Variants in RPS6KA2 observed in about 807,000 individuals in gnomAD.
The protein encoded by RPS6KA2 is ribosomal protein S6 kinase alpha-2.
In RPS6KA2, 42 loss-of-function variants were observed where a neutral mutation model predicts 91.8. The ratio of observed to expected loss-of-function variants is 0.46; its 90% confidence interval spans 0.36 to 0.59. The LOEUF is 0.59. Ranked by LOEUF, RPS6KA2 falls within the 20% of genes least tolerant of loss-of-function variation. The pLI, the probability that RPS6KA2 is intolerant of heterozygous loss-of-function variation, is 0.00. For missense variants in RPS6KA2, 798 were observed against 978.5 expected (o/e 0.82, Z 2.46); for synonymous variants, 414 against 393.6 (o/e 1.05, Z -0.61).
In RPS6KA2 at chr6:166,591,580, C is replaced by T. The variant is rs768771082; in HGVS notation, c.99+35341G>A. Among the ~76,000 whole-genome samples, 77 of 152,208 alleles carry T rather than the reference C, an allele frequency of 5.1e-4. No individual in the cohort carries two copies. The Middle Eastern group carries it at 0.01, about 20-fold the overall frequency. On this transcript the variant is annotated intron_variant, in intron 1 of 20. Transcript: ENST00000265678. ...GGAAAGCAGACACACACCAAGAAGG[C>T]GGCCCTGAGATGATGGAGGCAGCCA... is the stretch of plus-strand genomic sequence containing the variant.
chr6:166,485,671 C>G (rs954777138), intron 10 of RPS6KA2, among the ~76,000 whole-genome samples: 3 of 152,188 alleles, frequency 2.0e-5, no homozygotes, highest in Non-Finnish European at 4.4e-5. Context: ...AACACGCCCT[C>G]AGAGTTAAGA....
intron 10 of RPS6KA2, among the ~76,000 whole-genome samples, chr6:166,485,133 G>T (rs943463241): frequency 3.9e-5 from 6 of 152,356 alleles, no homozygotes; most frequent in Middle Eastern, 6.8e-3. Flanking sequence ...GCTGTGTGGG[G>T]GAGGCTGTGC....
chr6:166,732,211 C>G lies in RPS6KA2; in HGVS notation c.123+125989G>C, dbSNP rs1461618502. Among the ~76,000 whole-genome samples, 1 of 150,952 alleles carries G rather than the reference C, an allele frequency of 6.6e-6. No homozygotes were observed. Among genetic ancestry groups the G allele is most frequent in the Non-Finnish European group, 1.5e-5 (1 of 68,014 alleles). ...GTAACATCAACCTGGATGCTGGGAA[C>G]CTGGCATCTGTTAAAGTCTTCCCGC... On this transcript the variant is annotated intron_variant, in intron 2 of 21. Coordinates refer to the RPS6KA2 transcript ENST00000503859. This position sits in a 1 kb window ranked among gnomAD's most constrained non-coding sequence, Gnocchi z 4.0.
At position 166,467,417 on chromosome 6, in the gene RPS6KA2, C is replaced by T. The variant is rs540682791; in HGVS notation, c.972+2424G>A. On this transcript the variant is annotated intron_variant, in intron 11 of 20. Transcript: ENST00000265678. ...ATCAGAAACACATGGTATTTTGAGG[C>T]GAGTCAGAAAGTGATAAGGGATATG... Among the ~76,000 whole-genome samples, 20 of 152,252 alleles carry T rather than the reference C, an allele frequency of 1.3e-4. No individual in the cohort carries two copies. The South Asian group carries it at 3.7e-3, about 28-fold the overall frequency.
At chr6:166,789,117 AG>A (rs1318486087) in intron 2 of RPS6KA2, among the ~76,000 whole-genome samples, 1 of 152,186 alleles carries the variant, frequency 6.6e-6, no homozygotes, top group African/African-American at 2.4e-5. Flanking sequence ...AGTCAAAGAA[AG>A]GGGTGACACA....
intron 2 of RPS6KA2, among the ~76,000 whole-genome samples, chr6:166,843,261 C>T (rs1484860353): frequency 6.6e-6 from 1 of 152,196 alleles, no homozygotes; most frequent in Non-Finnish European, 1.5e-5. Context: ...AACACCTAAC[C>T]CTGTCCCACC....
intron 2 of RPS6KA2, among the ~76,000 whole-genome samples, chr6:166,715,370 T>C (rs975849547): frequency 3.3e-5 from 5 of 152,186 alleles, no homozygotes; most frequent in Non-Finnish European, 1.5e-5. Context: ...CAGCTGCCTC[T>C]TAAAAAGGAG....
At chr6:166,755,910 C>T (rs1356517338) in intron 2 of RPS6KA2, among the ~76,000 whole-genome samples, 1 of 152,164 alleles carries the variant, frequency 6.6e-6, no homozygotes, top group African/African-American at 2.4e-5. Context: ...GGATAAGCCA[C>T]TTGTTTTCTT....
intron 2 of RPS6KA2, among the ~76,000 whole-genome samples, chr6:166,712,095 G>A (rs1562396196): frequency 6.6e-6 from 1 of 152,210 alleles, no homozygotes; most frequent in Non-Finnish European, 1.5e-5. Flanking sequence ...CCACCCTGCT[G>A]GTGCAGCCTG....
chr6:166,519,920 G>A (rs1386222120), intron 3 of RPS6KA2, among the ~76,000 whole-genome samples: 1 of 152,202 alleles, frequency 6.6e-6, no homozygotes, highest in Non-Finnish European at 1.5e-5. Context: ...CAGAGAGCTG[G>A]TGAACCATGA....
intron 2 of RPS6KA2, among the ~76,000 whole-genome samples, chr6:166,680,745 A>G (rs1244228140): frequency 6.6e-6 from 1 of 152,222 alleles, no homozygotes; most frequent in Admixed American, 6.5e-5. Flanking sequence ...TGAAGGAACA[A>G]GCTCCAGACA....
At chr6:166,414,163 A>G (rs1778418131) in intron 19 of RPS6KA2, among the ~76,000 whole-genome samples, 1 of 152,230 alleles carries the variant, frequency 6.6e-6, no homozygotes, top group South Asian at 2.1e-4. Context: ...CTTTTATTAA[A>G]TATTTCATGT....
At chr6:166,498,984 G>C (rs943175682) in intron 7 of RPS6KA2, among the ~76,000 whole-genome samples, 5 of 152,180 alleles carry the variant, frequency 3.3e-5, no homozygotes, top group Admixed American at 3.3e-4. Context: ...GTGGAGGTGG[G>C]GTGTTGCAGG....
intron 2 of RPS6KA2, among the ~76,000 whole-genome samples, chr6:166,764,123 C>T (rs542203564): frequency 6.6e-6 from 1 of 152,312 alleles, no homozygotes; most frequent in South Asian, 2.1e-4. Flanking sequence ...CTCTGAGGAC[C>T]ACGCGGTGCT....
At position 166,852,743 on chromosome 6, in the gene RPS6KA2, GC is replaced by G. The variant is rs1780778318; in HGVS notation, c.123+5456del. ...GGAGCTCATCCCTGAGCGCCCACAG[GC>G]CCCTGGATGTCCCTGTAAGGAGGCT... On this transcript the variant is annotated intron_variant, in intron 2 of 21. Transcript: ENST00000503859. The surrounding 1 kb of genome is among the most constrained non-coding windows in gnomAD (Gnocchi z 4.1). Among the ~76,000 whole-genome samples, 1 of 152,090 alleles carries G rather than the reference GC, an allele frequency of 6.6e-6. No homozygotes were observed. Among genetic ancestry groups the G allele is most frequent in the South Asian group, 2.1e-4 (1 of 4,816 alleles).
rs149604169 is a variant in RPS6KA2 at position 166,658,567 on chromosome 6, C to CAG, written c.124-119785_124-119784dup. ...GCACTGAAAACTTTTCAGACAAGGCCAGACTACTTGATAAAAGTCATCTTC... is the reference window on the plus strand; with the variant it reads ...GCACTGAAAACTTTTCAGACAAGGCCAGAGACTACTTGATAAAAGTCATCTTC... On this transcript the variant is annotated intron_variant, in intron 2 of 21. Coordinates refer to the RPS6KA2 transcript ENST00000503859. 1.6e-3 allele frequency among the ~76,000 whole-genome samples: 242 copies of CAG among 152,246 alleles called. 6 individuals are homozygous for CAG. In the East Asian group the frequency reaches 0.044, roughly 28 times the overall value.
In RPS6KA2 at chr6:166,498,547, G is replaced by A; in HGVS notation, c.708C>T (p.His236=). The change falls in exon 8 of 21, where the codon CAC becomes CAT. Residue 236 remains histidine (H), a synonymous_variant. Coordinates refer to ENST00000265678, the MANE Select transcript of RPS6KA2 (RefSeq NM_021135.6). ...AGGACCACCAGTCGGCACTCTGCGT[G>A]TGTCCTCGCCGGTTCACCACCTCGG... ...MAPEVVNRRG[H]TQSADWWSFG... The A allele has an allele frequency of 6.2e-7, 1 of 1,613,496 alleles. No individual in the cohort carries two copies. Among genetic ancestry groups the A allele is most frequent in the South Asian group, 1.1e-5 (1 of 90,988 alleles).
rs1318765092 is a variant in RPS6KA2, at chr6:166,626,667, G to A, written c.99+254C>T. Among the ~76,000 whole-genome samples the A allele has an allele frequency of 6.6e-6, 1 of 152,220 alleles. No homozygotes were observed. The highest frequency in any genetic ancestry group is 1.5e-5 in the Non-Finnish European group (1 of 68,028). On this transcript the variant is annotated intron_variant, in intron 1 of 20. Transcript: ENST00000265678. The surrounding 1 kb of genome is among the most constrained non-coding windows in gnomAD (Gnocchi z 4.1). ...CCATCCCACACCCCGTGCAGCCAGC[G>A]GCGGAGAAACCAGCTGGAAATGCAG... is the stretch of plus-strand genomic sequence containing the variant.
chr6:166,735,058 C>G (rs1790638429), intron 2 of RPS6KA2, among the ~76,000 whole-genome samples: 1 of 152,152 alleles, frequency 6.6e-6, no homozygotes, highest in Non-Finnish European at 1.5e-5. Flanking sequence ...CACAAAAAGA[C>G]CATCTTGGAT....
Sources: allele counts gnomAD v4.1 joint callset (sites outside exome capture counted in the v4.1 genomes callset), GRCh38; gene constraint gnomAD v4.1.1; non-coding constraint Gnocchi (gnomAD v3.1); transcripts MANE v1.5; gene names NCBI Gene and HGNC (gene_info 2026-07-23, HGNC 2026-07-21).